PRKCH: variants seen among roughly 807,000 people sequenced by gnomAD.
The protein encoded by PRKCH is protein kinase C eta, also known as protein kinase C eta type.
PRKCH carries 28 observed loss-of-function variants against 82.5 expected under a neutral mutation model. That is an observed-to-expected ratio of 0.34 (90% CI 0.25 to 0.47). The LOEUF (loss-of-function observed/expected upper bound fraction) is 0.47. Among genes scored for constraint, PRKCH ranks in the 20% least tolerant of loss-of-function variants. PRKCH has a pLI of 1.00. For synonymous variants in PRKCH, 322 were observed against 327.4 expected (o/e 0.98, Z 0.18); for missense variants, 705 against 881.8 (o/e 0.80, Z 2.54).
At chr14:61,365,201 G>A (rs2046283495) in intron 1 of PRKCH, among the ~76,000 whole-genome samples, 1 of 152,090 alleles carries the variant, frequency 6.6e-6, no homozygotes, top group African/African-American at 2.4e-5. Context: ...CAGTAGATAG[G>A]TGTGTGTCCT....
intron 2 of PRKCH, among the ~76,000 whole-genome samples, chr14:61,395,202 C>T (rs553735457): frequency 1.3e-5 from 2 of 151,466 alleles, no homozygotes; most frequent in Admixed American, 6.6e-5. Flanking sequence ...TGAGCTTGCA[C>T]GTTGCTGCTG....
intron 9 of PRKCH, among the ~76,000 whole-genome samples, chr14:61,470,331 GCACGATCTTTCTCATC>G (rs3837625): frequency 0.36 from 54,890 of 151,514 alleles, 11,608 homozygotes; most frequent in East Asian, 0.58. Flanking sequence ...GTTGCCACTT[GCACGATCTTTCTCATC>G]CCGCTGGCAA....
chr14:61,422,411 G>C (rs1882883590), intron 2 of PRKCH, among the ~76,000 whole-genome samples: 1 of 152,186 alleles, frequency 6.6e-6, no homozygotes, highest in Non-Finnish European at 1.5e-5. Context: ...TTTTAAGTAG[G>C]AGCATAGCAG....
intron 10 of PRKCH, among the ~76,000 whole-genome samples, chr14:61,521,170 C>G (rs1376483164): frequency 6.6e-6 from 1 of 152,166 alleles, no homozygotes; most frequent in African/African-American, 2.4e-5. Flanking sequence ...CTGAACCCAT[C>G]ATCATTTTCT....
At chr14:61,464,988 A>G (rs1228166671) in intron 9 of PRKCH, among the ~76,000 whole-genome samples, 1 of 152,142 alleles carries the variant, frequency 6.6e-6, no homozygotes, top group African/African-American at 2.4e-5. Context: ...TGGTTGAACT[A>G]ATTTACATTC....
chr14:61,248,748 TTATGTATGTATGTATG>T (rs57245411), intron 1 of PRKCH, among the ~76,000 whole-genome samples: 1 of 141,916 alleles, frequency 7.0e-6, no homozygotes, highest in African/African-American at 2.6e-5. Context: ...TTCAATGGTT[TTATGTATGTATGTATG>T]TATGTATGTA....
chr14:61,474,434 G>A (rs1885637443), intron 9 of PRKCH, among the ~76,000 whole-genome samples: 3 of 152,256 alleles, frequency 2.0e-5, no homozygotes, highest in Admixed American at 2.0e-4. Flanking sequence ...TTAATTGACA[G>A]TGGAGATCAA....
At chr14:61,217,825 G>C (rs562517128) in intron 1 of PRKCH, among the ~76,000 whole-genome samples, 32 of 152,266 alleles carry the variant, frequency 2.1e-4, no homozygotes, top group African/African-American at 7.5e-4. Context: ...AGCAACTTCT[G>C]CTCTTTGAAA....
At chr14:61,337,423 T>A (rs1240054928) in intron 1 of PRKCH, among the ~76,000 whole-genome samples, 1 of 152,078 alleles carries the variant, frequency 6.6e-6, no homozygotes, top group Non-Finnish European at 1.5e-5. Context: ...AAACAAAAAA[T>A]TTTATTTTAC....
At chr14:61,376,821 C>G (rs976163416) in intron 1 of PRKCH, among the ~76,000 whole-genome samples, 2 of 152,222 alleles carry the variant, frequency 1.3e-5, no homozygotes, top group African/African-American at 2.4e-5. Context: ...GCATTTCTAG[C>G]TTTACCTTCT....
At chr14:61,509,322 CA>C (rs1184057206) in intron 10 of PRKCH, among the ~76,000 whole-genome samples, 1 of 152,164 alleles carries the variant, frequency 6.6e-6, no homozygotes, top group Non-Finnish European at 1.5e-5. Context: ...TGAAAACATG[CA>C]GCCTCAAAGA....
chr14:61,278,968 T>G (rs1411283919), intron 1 of PRKCH: 1 of 83,218 alleles, frequency 1.2e-5, no homozygotes, highest in Non-Finnish European at 2.9e-5. Context: ...AATGAAGCCC[T>G]TTCTAATCAC....
At chr14:61,256,454 T>G (rs1411682840) in intron 1 of PRKCH, among the ~76,000 whole-genome samples, 3 of 152,230 alleles carry the variant, frequency 2.0e-5, no homozygotes, top group African/African-American at 7.2e-5. Flanking sequence ...TGGTTCCATC[T>G]GTGCTTATTT....
chr14:61,485,491 T>G lies in PRKCH; in HGVS notation c.1279-11T>G. On this transcript the variant is annotated splice_polypyrimidine_tract_variant and intron_variant, in intron 9 of 13. Coordinates refer to ENST00000332981, the MANE Select transcript of PRKCH (RefSeq NM_006255.5). ...ACACCACATTGGGCCCTCTCTTGTG[T>G]TTGTATCCAGGATCGTCTGTTTTTT... 1 of 1,613,162 alleles carries G rather than the reference T, an allele frequency of 6.2e-7. No homozygotes were observed. The highest frequency in any genetic ancestry group is 8.5e-7 in the Non-Finnish European group (1 of 1,179,420).
chr14:61,490,125 A>T (rs4902065), intron 10 of PRKCH, among the ~76,000 whole-genome samples: 1 of 151,672 alleles, frequency 6.6e-6, no homozygotes, highest in South Asian at 2.1e-4. Context: ...TGCTGGGTGC[A>T]CGGTAATTAG....
At chr14:61,383,330 T>G (rs568622413) in intron 1 of PRKCH, among the ~76,000 whole-genome samples, 1 of 152,144 alleles carries the variant, frequency 6.6e-6, no homozygotes, top group African/African-American at 2.4e-5. Flanking sequence ...TCAGCAGATA[T>G]GTATTGAGTG....
intron 1 of PRKCH, chr14:61,299,964 GT>G (rs1243597850): frequency 1.3e-5 from 2 of 152,172 alleles, no homozygotes; most frequent in Non-Finnish European, 2.9e-5. Flanking sequence ...TTTTTCATCA[GT>G]TTGAATACTG....
At chr14:61,412,645 T>A (rs1265380503) in intron 2 of PRKCH, among the ~76,000 whole-genome samples, 5 of 152,172 alleles carry the variant, frequency 3.3e-5, no homozygotes, top group African/African-American at 1.2e-4. Flanking sequence ...TGTTGCTGGC[T>A]GGACCCATGG....
At chr14:61,222,325 T>C (rs1400862031) in intron 1 of PRKCH, among the ~76,000 whole-genome samples, 2 of 152,258 alleles carry the variant, frequency 1.3e-5, no homozygotes, top group African/African-American at 4.8e-5. Flanking sequence ...TTATCCCTAC[T>C]TGATAGTGTG....
Sources: gnomAD v4.1 joint callset for allele counts (sites outside exome capture counted in the v4.1 genomes callset) on GRCh38, gnomAD v4.1.1 for gene constraint, MANE v1.5 for transcripts, NCBI Gene and HGNC (gene_info 2026-07-23, HGNC 2026-07-21) for gene names.